Variants in SHANK2 observed in about 807,000 individuals in gnomAD.
SHANK2 encodes the protein SH3 and multiple ankyrin repeat domains 2, also known as SH3 and multiple ankyrin repeat domains protein 2.
In SHANK2, 43 loss-of-function variants were observed where a neutral mutation model predicts 133.7. The observed-to-expected ratio is 0.32, with a 90% CI of 0.25 to 0.41. The LOEUF (loss-of-function observed/expected upper bound fraction) is 0.41. Ranked by LOEUF, SHANK2 falls within the 10% of genes least tolerant of loss-of-function variation. The pLI, the probability that SHANK2 is intolerant of heterozygous loss-of-function variation, is 1.00. For missense variants in SHANK2, 1,994 were observed against 2,235.8 expected, an observed-to-expected ratio of 0.89 and a Z score of 2.18; for synonymous variants, 1,017 against 952.8, an observed-to-expected ratio of 1.07 and a Z score of -1.24.
At chr11:71,165,037 A>ATT (rs571925889) in intron 2 of SHANK2, among the ~76,000 whole-genome samples, 3,627 of 143,128 alleles carry the variant, frequency 0.025, 135 homozygotes, top group East Asian at 0.086. Flanking sequence ...TCTTGTCTTC[A>ATT]TTTTTTTTTT....
intron 14 of SHANK2, among the ~76,000 whole-genome samples, chr11:70,707,094 AG>A (rs1277159286): frequency 6.6e-6 from 1 of 152,086 alleles, no homozygotes; most frequent in Admixed American, 6.5e-5. Flanking sequence ...AGGTGGGGCA[AG>A]GTGTGGTGGC....
chr11:70,610,844 C>A (rs1324822222), intron 17 of SHANK2, among the ~76,000 whole-genome samples: 1 of 152,144 alleles, frequency 6.6e-6, no homozygotes, highest in Non-Finnish European at 1.5e-5. Context: ...CTGTGGGGAT[C>A]CACAGGACTC....
At chr11:71,140,486 G>A (rs183406230) in intron 3 of SHANK2, among the ~76,000 whole-genome samples, 291 of 152,338 alleles carry the variant, frequency 1.9e-3, no homozygotes, top group Non-Finnish European at 3.1e-3. Context: ...GGGTCCGGCC[G>A]GGTGTAGAAG....
chr11:70,798,918 T>C (rs1008447036), intron 13 of SHANK2, among the ~76,000 whole-genome samples: 3 of 152,174 alleles, frequency 2.0e-5, no homozygotes, highest in African/African-American at 7.2e-5. Context: ...TTGGCTGTCC[T>C]TACCATCAAT....
chr11:71,118,844 G>A lies in SHANK2; in HGVS notation c.396C>T (p.Gly132=), dbSNP rs148065633. 3.5e-5 allele frequency: 55 copies of A among 1,549,840 alleles called. No individual in the cohort carries two copies. Among genetic ancestry groups the A allele is most frequent in the Non-Finnish European group, 4.1e-5 (47 of 1,145,954 alleles). The change falls in exon 4 of 26, where the codon GGC becomes GGT. Residue 132 remains glycine, a synonymous_variant. Transcript: ENST00000601538. ...TGAAATATACCTCCAGGGAAGGAAC[G>A]CCCTCACCCACGGGCTGTGGGTACT... The part of the protein sequence containing the change: ...LREYPQPVGE[G]VPSLEFRYKK...
intron 14 of SHANK2, among the ~76,000 whole-genome samples, chr11:70,729,473 CTGTT>C (rs1555031535): frequency 6.6e-6 from 1 of 151,154 alleles, no homozygotes; most frequent in East Asian, 1.9e-4. Context: ...AGAGAGGTGG[CTGTT>C]GTACATACCT....
intron 4 of SHANK2, among the ~76,000 whole-genome samples, chr11:71,114,564 A>G (rs1489005904): frequency 1.3e-5 from 2 of 152,208 alleles, no homozygotes; most frequent in Admixed American, 1.3e-4. Context: ...CCAGCTGTGA[A>G]ATCGGAAAGT....
intron 15 of SHANK2, among the ~76,000 whole-genome samples, chr11:70,666,550 C>T (rs1555014851): frequency 1.3e-5 from 2 of 152,206 alleles, no homozygotes; most frequent in African/African-American, 4.8e-5. Flanking sequence ...TGCCCTAGAA[C>T]TGTGCTGAAG....
At chr11:70,566,244 T>G (rs982832629) in intron 17 of SHANK2, 7 of 152,254 alleles carry the variant, frequency 4.6e-5, no homozygotes, top group African/African-American at 1.7e-4. Flanking sequence ...AGATGAGATT[T>G]GGGTGGGGAC....
chr11:71,194,351 G>A (rs552165970), intron 2 of SHANK2, among the ~76,000 whole-genome samples: 2 of 152,292 alleles, frequency 1.3e-5, no homozygotes, highest in African/African-American at 4.8e-5. Context: ...GCTGAGACCT[G>A]GGGACCTGGG....
chr11:71,241,493 T>C (rs757931279), intron 1 of SHANK2, among the ~76,000 whole-genome samples: 14 of 152,286 alleles, frequency 9.2e-5, no homozygotes, highest in East Asian at 1.9e-4. Flanking sequence ...AAATGACCCA[T>C]TGCACAATCA....
At chr11:70,719,089 A>G (rs1261226546) in intron 14 of SHANK2, among the ~76,000 whole-genome samples, 2 of 152,212 alleles carry the variant, frequency 1.3e-5, no homozygotes, top group Non-Finnish European at 2.9e-5. Flanking sequence ...TGCCCATGTG[A>G]AGAGCACGTC....
chr11:71,167,328 C>G (rs1324316761), intron 2 of SHANK2, among the ~76,000 whole-genome samples: 1 of 151,920 alleles, frequency 6.6e-6, no homozygotes, highest in Non-Finnish European at 1.5e-5. Flanking sequence ...GGGTGGTGGC[C>G]GGGCAGAGGG....
intron 14 of SHANK2, among the ~76,000 whole-genome samples, chr11:70,716,895 G>GCCCCCCCCCCCCCCCCCCCCCCCCCCC (rs60827522): frequency 7.2e-6 from 1 of 138,392 alleles, no homozygotes; most frequent in African/African-American, 2.9e-5. Context: ...GGGTCCCGGA[G>GCCCCCCCCCCCCCCCCCCCCCCCCCCC]CCCCCCCCCC....
intron 17 of SHANK2, among the ~76,000 whole-genome samples, chr11:70,550,872 C>T (rs1208062619): frequency 1.3e-5 from 2 of 152,206 alleles, no homozygotes; most frequent in Non-Finnish European, 2.9e-5. Context: ...TGGAGCAGGT[C>T]TGAGAAACAT....
chr11:70,710,830 T>G (rs567099507), intron 14 of SHANK2, among the ~76,000 whole-genome samples: 1 of 152,148 alleles, frequency 6.6e-6, no homozygotes, highest in Non-Finnish European at 1.5e-5. Flanking sequence ...CTGCCTGACT[T>G]TGGACTCACA....
intron 15 of SHANK2, among the ~76,000 whole-genome samples, chr11:70,683,562 T>A (rs1555018825): frequency 6.6e-6 from 1 of 152,198 alleles, no homozygotes; most frequent in Admixed American, 6.5e-5. Flanking sequence ...ATGGGTTCTC[T>A]CACAGCGCTG....
At chr11:71,131,258 A>G (rs1399503671) in intron 3 of SHANK2, among the ~76,000 whole-genome samples, 1 of 152,238 alleles carries the variant, frequency 6.6e-6, no homozygotes, top group Non-Finnish European at 1.5e-5. Flanking sequence ...GGTGGCAAAC[A>G]CTAAAACCCC....
intron 17 of SHANK2, among the ~76,000 whole-genome samples, chr11:70,546,256 A>G (rs1554976412): frequency 6.6e-6 from 1 of 151,982 alleles, no homozygotes; most frequent in African/African-American, 2.4e-5. Flanking sequence ...GGAGGTTTCA[A>G]TACTTAGGTA....
Sources: gnomAD v4.1 joint callset for allele counts (sites outside exome capture counted in the v4.1 genomes callset) on GRCh38, gnomAD v4.1.1 for gene constraint, MANE v1.5 for transcripts, NCBI Gene and HGNC (gene_info 2026-07-23, HGNC 2026-07-21) for gene names.